The following FER variants were observed in gnomAD, a reference collection of about 807,000 sequenced individuals.
FER encodes the protein FER tyrosine kinase, also known as tyrosine-protein kinase Fer.
In FER, 63 loss-of-function variants were observed where a neutral mutation model predicts 111.0. The ratio of observed to expected loss-of-function variants is 0.57; its 90% CI spans 0.46 to 0.70. The LOEUF is 0.70. Among genes scored for constraint, FER ranks in the 30% least tolerant of loss-of-function variants. The pLI is 0.00. For synonymous variants in FER, 327 were observed against 313.9 expected, an observed-to-expected ratio of 1.04 and a Z score of -0.44; for missense variants, 914 against 954.0, an observed-to-expected ratio of 0.96 and a Z score of 0.55.
chr5:108,897,426 A>G (rs1749309720), intron 9 of FER, among the ~76,000 whole-genome samples: 1 of 152,198 alleles, frequency 6.6e-6, no homozygotes, highest in Non-Finnish European at 1.5e-5. Context: ...AGATCATAAT[A>G]TATTTGAAAG....
intron 9 of FER, among the ~76,000 whole-genome samples, chr5:108,895,453 A>G (rs1029011112): frequency 3.3e-5 from 5 of 152,162 alleles, no homozygotes; most frequent in African/African-American, 1.2e-4. Flanking sequence ...AGTTTCTTCT[A>G]GACACTCTAG....
chr5:108,946,739 G>C (rs774689306), intron 11 of FER, among the ~76,000 whole-genome samples: 36 of 152,064 alleles, frequency 2.4e-4, no homozygotes, highest in Middle Eastern at 3.4e-3. Flanking sequence ...GTTGTCTTTA[G>C]TAACAGCAGT....
At chr5:109,067,545 T>C (rs1215603964) in intron 16 of FER, among the ~76,000 whole-genome samples, 4 of 152,084 alleles carry the variant, frequency 2.6e-5, no homozygotes, top group African/African-American at 9.7e-5. Flanking sequence ...TTTTTTTTAA[T>C]TTGATAAAAT....
chr5:109,058,716 C>CTT (rs1773965090), intron 16 of FER, among the ~76,000 whole-genome samples: 1 of 94,948 alleles, frequency 1.1e-5, no homozygotes, highest in African/African-American at 4.4e-5. Context: ...CTTTTTCTTT[C>CTT]TTTCTTTCTT....
At chr5:108,966,279 AT>A (rs1759804185) in intron 13 of FER, among the ~76,000 whole-genome samples, 1 of 152,082 alleles carries the variant, frequency 6.6e-6, no homozygotes, top group Admixed American at 6.6e-5. Context: ...AGTCATTGGA[AT>A]TTTTTAATGC....
intron 5 of FER, among the ~76,000 whole-genome samples, chr5:108,860,313 C>T (rs1350065617): frequency 3.9e-5 from 6 of 151,932 alleles, no homozygotes; most frequent in Non-Finnish European, 7.4e-5. Flanking sequence ...TTTCCAAATT[C>T]TGTGCTTTAT....
intron 16 of FER, among the ~76,000 whole-genome samples, chr5:109,070,864 A>G (rs1025041147): frequency 2.6e-5 from 4 of 151,912 alleles, no homozygotes; most frequent in Non-Finnish European, 5.9e-5. Flanking sequence ...TCATTTTGTA[A>G]TACAAACATG....
intron 13 of FER, among the ~76,000 whole-genome samples, chr5:109,025,631 GC>G (rs34298059): frequency 0.11 from 16,519 of 150,588 alleles, 975 homozygotes; most frequent in Non-Finnish European, 0.14. Context: ...CTGCCTAATT[GC>G]CCTGGCCAGA....
rs192529729 is a variant in FER at position 108,997,073 on chromosome 5, G to T, written c.1656+37726G>T. Among the ~76,000 whole-genome samples, 1,157 of 152,052 alleles carry T rather than the reference G, an allele frequency of 7.6e-3. 11 individuals are homozygous for T. The highest frequency in any genetic ancestry group is 0.027 in the African/African-American group (1,130 of 41,448). ...ATTTGGCTCTCTGTCTGTTATTGGT[G>T]TTTAGGAATGCTTGTGAAATTTGCA... On this transcript the variant is annotated intron_variant, in intron 13 of 19. Coordinates refer to ENST00000281092, the MANE Select transcript of FER (RefSeq NM_005246.4).
At chr5:109,100,947 G>A (rs1030941221) in intron 17 of FER, among the ~76,000 whole-genome samples, 2 of 149,302 alleles carry the variant, frequency 1.3e-5, no homozygotes, top group African/African-American at 5.0e-5. Flanking sequence ...TTGGTCAAGG[G>A]TAAAAGATTT....
rs376155654 is a variant in FER, at chr5:108,867,836, A to G, written c.551A>G (p.Gln184Arg). The change falls in exon 6 of 20, where the codon CAG (glutamine) becomes CGG (arginine). Residue 184 changes from glutamine to arginine, a missense_variant. Transcript: ENST00000281092. Reference sequence around the variant, plus strand: ...ATGAAACTTCATATGTTGCACAATCAGTATGTATTGGCGTTGAAAGGGGCA... The same window carrying G: ...ATGAAACTTCATATGTTGCACAATCGGTATGTATTGGCGTTGAAAGGGGCA... The part of the protein sequence containing the change: ...ATMKLHMLHN[Q>R]YVLALKGAQL... 2.5e-6 allele frequency: 4 copies of G among 1,613,324 alleles called. No individual in the cohort carries two copies. Among genetic ancestry groups the G allele is most frequent in the Non-Finnish European group, 3.4e-6 (4 of 1,179,598 alleles).
intron 13 of FER, among the ~76,000 whole-genome samples, chr5:109,016,412 A>T (rs1490604320): frequency 6.6e-6 from 1 of 152,074 alleles, no homozygotes; most frequent in Non-Finnish European, 1.5e-5. Flanking sequence ...CTTTTGTTGA[A>T]TATGAATAAA....
chr5:108,790,438 G>A (rs1755239438), intron 2 of FER, among the ~76,000 whole-genome samples: 1 of 152,088 alleles, frequency 6.6e-6, no homozygotes, highest in African/African-American at 2.4e-5. Context: ...CCTCTGGTAT[G>A]GATGAACTAG....
intron 17 of FER, among the ~76,000 whole-genome samples, chr5:109,171,060 C>T (rs1757045725): frequency 6.6e-6 from 1 of 152,206 alleles, no homozygotes; most frequent in African/African-American, 2.4e-5. Context: ...ATATATCTAT[C>T]TATGTGCACT....
At chr5:108,936,805 C>T (rs955347843) in intron 10 of FER, among the ~76,000 whole-genome samples, 3 of 151,910 alleles carry the variant, frequency 2.0e-5, no homozygotes, top group Non-Finnish European at 4.4e-5. Flanking sequence ...TTTATAAGTA[C>T]AGCAAACTAG....
At chr5:108,867,523 T>C (rs1764185267) in intron 5 of FER, among the ~76,000 whole-genome samples, 2 of 151,830 alleles carry the variant, frequency 1.3e-5, no homozygotes, top group African/African-American at 4.8e-5. Context: ...TTTTGTGTTT[T>C]ACTTTGACCT....
At chr5:109,132,509 G>A (rs1433910435) in intron 17 of FER, among the ~76,000 whole-genome samples, 1 of 152,104 alleles carries the variant, frequency 6.6e-6, no homozygotes. Flanking sequence ...GGAGAAGAGT[G>A]TGCTAGAAAC....
Position 109,194,493 on chromosome 5 carries a change from T to C in FER, c.*6918T>C, listed in dbSNP as rs747009862. On this transcript the variant is annotated 3_prime_UTR_variant, in exon 20 of 20. Coordinates refer to ENST00000281092, the MANE Select transcript of FER (RefSeq NM_005246.4). ...AGAATCAGAATAAGCACGTTGTAAA[T>C]AGTATCCAAAGCAGATTCTAAAATG... 6 of 152,176 alleles carry C rather than the reference T, an allele frequency of 3.9e-5. No homozygotes were observed. Among genetic ancestry groups the C allele is most frequent in the Non-Finnish European group, 7.3e-5 (5 of 68,030 alleles). The allele number at this position is 152,176 out of a possible 1,614,324, so 9.4% of individuals were successfully genotyped here. A position where few individuals can be genotyped will look rare whatever the true frequency, so the allele number is the denominator to read the frequency against.
chr5:108,924,718 T>C (rs1753505747), intron 10 of FER: 6 of 1,232,048 alleles, frequency 4.9e-6, no homozygotes, highest in Non-Finnish European at 6.1e-6. Flanking sequence ...TGGTTTCGGC[T>C]CCCAATCCTG....
Sources: allele counts gnomAD v4.1 joint callset (sites outside exome capture counted in the v4.1 genomes callset), GRCh38; gene constraint gnomAD v4.1.1; transcripts MANE v1.5; gene names NCBI Gene and HGNC (gene_info 2026-07-23, HGNC 2026-07-21).